The following LYPLAL1 variants were observed in gnomAD, a reference collection of about 807,000 sequenced individuals.
LYPLAL1 encodes the protein lysophospholipase-like protein 1.
LYPLAL1 carries 23 observed loss-of-function variants against 19.7 expected under a neutral mutation model. The observed-to-expected ratio is 1.17, with a 90% CI of 0.84 to 1.65. The LOEUF is 1.65. Ranked by LOEUF, LYPLAL1 falls within the 40% of genes most tolerant of loss-of-function variation. LYPLAL1 has a pLI of 0.00. For missense variants in LYPLAL1, 355 were observed against 279.4 expected (o/e 1.27, Z -1.93); for synonymous variants, 119 against 96.3 (o/e 1.24, Z -1.38).
chr1:219,443,869 A>C, the LYPLAL1 span, among the ~76,000 whole-genome samples: 1 of 152,230 alleles, frequency 6.6e-6, no homozygotes, highest in Non-Finnish European at 1.5e-5. Flanking sequence ...CTGGTAGCTC[A>C]GGGTACCAGG....
At chr1:219,283,051 A>T in the LYPLAL1 span, among the ~76,000 whole-genome samples, 7 of 152,212 alleles carry the variant, frequency 4.6e-5, no homozygotes, top group Non-Finnish European at 8.8e-5. Context: ...TTATTGATAG[A>T]CCTATGGCAG....
At chr1:219,273,645 C>T in the LYPLAL1 span, among the ~76,000 whole-genome samples, 15 of 152,168 alleles carry the variant, frequency 9.9e-5, no homozygotes, top group South Asian at 4.1e-4. Flanking sequence ...TCTGTTCCAA[C>T]GTACTGTTCC....
the LYPLAL1 span, among the ~76,000 whole-genome samples, chr1:219,313,527 A>C: frequency 1.4e-5 from 1 of 73,160 alleles, no homozygotes; most frequent in East Asian, 9.5e-4. Context: ...TTTTTAAAAA[A>C]ACTTTTTTTT....
the LYPLAL1 span, among the ~76,000 whole-genome samples, chr1:219,275,590 A>G: frequency 6.6e-6 from 1 of 152,210 alleles, no homozygotes; most frequent in Non-Finnish European, 1.5e-5. Context: ...TTCTAAAAGC[A>G]AATTATAAGT....
the LYPLAL1 span, among the ~76,000 whole-genome samples, chr1:219,258,926 A>G: frequency 1.3e-5 from 2 of 152,134 alleles, no homozygotes; most frequent in Non-Finnish European, 2.9e-5. Flanking sequence ...GCAAGAAAAA[A>G]ACAAATAATC....
Position 219,179,224 on chromosome 1 carries a change from A to G in LYPLAL1, c.169A>G (p.Ile57Val). Reference sequence around the variant, plus strand: ...TTTAACATTCCAACACATAAAAATTATTTATCCAACAGCTCCTCCCAGGTA... The same window carrying G: ...TTTAACATTCCAACACATAAAAATTGTTTATCCAACAGCTCCTCCCAGGTA... ...QDLTFQHIKI[I>V]YPTAPPRSYT... The change falls in exon 2 of 5, where the codon ATT becomes GTT. Residue 57 changes from isoleucine (I) to valine (V), a missense_variant. Physicochemically the swap from Ile to Val is conservative, Grantham distance 29. Transcript: ENST00000366928. The G allele has an allele frequency of 6.2e-7, 1 of 1,611,566 alleles. No homozygotes were observed.
the LYPLAL1 span, among the ~76,000 whole-genome samples, chr1:219,373,892 A>AAAAC: frequency 1.3e-5 from 2 of 150,434 alleles, no homozygotes; most frequent in African/African-American, 2.4e-5. Flanking sequence ...CAAAAAAAAA[A>AAAAC]ACACAAAAAC....
At chr1:219,280,968 G>C in the LYPLAL1 span, among the ~76,000 whole-genome samples, 2 of 152,182 alleles carry the variant, frequency 1.3e-5, no homozygotes, top group Non-Finnish European at 2.9e-5. Flanking sequence ...AGAATCACTT[G>C]AACCCAGGAG....
the LYPLAL1 span, among the ~76,000 whole-genome samples, chr1:219,372,767 G>A: frequency 6.6e-6 from 1 of 152,014 alleles, no homozygotes; most frequent in African/African-American, 2.4e-5. Context: ...GGCCAAGCAT[G>A]GTGATATGCC....
chr1:219,277,035 G>T, the LYPLAL1 span, among the ~76,000 whole-genome samples: 1 of 152,046 alleles, frequency 6.6e-6, no homozygotes, highest in Non-Finnish European at 1.5e-5. Context: ...AACCAAAGAG[G>T]CAAACTGCAG....
At chr1:219,177,997 C>T (rs1655965044) in intron 1 of LYPLAL1, among the ~76,000 whole-genome samples, 1 of 152,178 alleles carries the variant, frequency 6.6e-6, no homozygotes, top group East Asian at 1.9e-4. Context: ...CCTTTCCTCG[C>T]CCTGGGATAC....
the LYPLAL1 span, among the ~76,000 whole-genome samples, chr1:219,380,334 T>G: frequency 7.9e-5 from 12 of 151,942 alleles, no homozygotes; most frequent in Admixed American, 7.2e-4. Context: ...GAAGGAAGGA[T>G]GAATAGAAAC....
the LYPLAL1 span, among the ~76,000 whole-genome samples, chr1:219,419,342 G>A: frequency 2.0e-5 from 3 of 152,294 alleles, no homozygotes; most frequent in East Asian, 1.9e-4. Flanking sequence ...CTGTGCCAGC[G>A]ATCAGGAGAG....
the LYPLAL1 span, among the ~76,000 whole-genome samples, chr1:219,256,490 CT>C: frequency 3.2e-4 from 49 of 151,186 alleles, no homozygotes; most frequent in African/African-American, 1.2e-3. Context: ...CTCTCTCTTT[CT>C]TTCTTTCATT....
At chr1:219,243,122 T>A in the LYPLAL1 span, among the ~76,000 whole-genome samples, 1 of 152,188 alleles carries the variant, frequency 6.6e-6, no homozygotes, top group Non-Finnish European at 1.5e-5. Flanking sequence ...CACTCTACAT[T>A]TATGAATTTC....
chr1:219,296,607 C>T, the LYPLAL1 span, among the ~76,000 whole-genome samples: 2 of 152,108 alleles, frequency 1.3e-5, no homozygotes, highest in Non-Finnish European at 2.9e-5. Flanking sequence ...GCGAGGGAAG[C>T]TAACAAAACA....
chr1:219,376,444 C>A, the LYPLAL1 span, among the ~76,000 whole-genome samples: 3 of 151,298 alleles, frequency 2.0e-5, no homozygotes, highest in Non-Finnish European at 3.0e-5. Context: ...GAATATGACA[C>A]CAAAAACAAC....
chr1:219,341,086 T>C, the LYPLAL1 span, among the ~76,000 whole-genome samples: 1 of 152,068 alleles, frequency 6.6e-6, no homozygotes, highest in Admixed American at 6.6e-5. Flanking sequence ...CCCATTCAAA[T>C]TGAATATTCC....
At chr1:219,194,517 A>G (rs1345406776) in intron 3 of LYPLAL1, among the ~76,000 whole-genome samples, 2 of 152,070 alleles carry the variant, frequency 1.3e-5, no homozygotes, top group African/African-American at 4.8e-5. Flanking sequence ...ACAACCTGAA[A>G]GGGCCAATGA....
Sources: allele counts gnomAD v4.1 joint callset (sites outside exome capture counted in the v4.1 genomes callset), GRCh38; gene constraint gnomAD v4.1.1; transcripts MANE v1.5; gene names NCBI Gene and HGNC (gene_info 2026-07-23, HGNC 2026-07-21).